DPYD: variants seen among roughly 807,000 people sequenced by gnomAD.
DPYD encodes the protein dihydropyrimidine dehydrogenase [NADP(+)].
A neutral mutation model predicts 116.2 loss-of-function variants in DPYD; 109 were observed. The ratio of observed to expected loss-of-function variants is 0.94; its 90% confidence interval spans 0.80 to 1.10. DPYD has a LOEUF of 1.10. DPYD is among the 50% of genes least tolerant of loss of function. The probability of loss-of-function intolerance (pLI) is 0.00; values close to 1 mark genes in which losing one functional copy is unlikely to be tolerated. For missense variants in DPYD, 1,302 were observed against 1,254.5 expected, an observed-to-expected ratio of 1.04 and a Z score of -0.57; for synonymous variants, 440 against 432.0, an observed-to-expected ratio of 1.02 and a Z score of -0.23.
At chr1:97,352,717 A>G (rs1670215877) in intron 16 of DPYD, among the ~76,000 whole-genome samples, 1 of 151,810 alleles carries the variant, frequency 6.6e-6, no homozygotes, top group Non-Finnish European at 1.5e-5. Flanking sequence ...TTTTATTGCC[A>G]TCAGCATTGG....
intron 14 of DPYD, among the ~76,000 whole-genome samples, chr1:97,383,475 C>CAA (rs796302274): frequency 4.4e-4 from 35 of 80,282 alleles, no homozygotes; most frequent in African/African-American, 1.4e-3. Context: ...GACTCTGTCT[C>CAA]AAAAAAAAAA....
At chr1:97,907,338 T>A (rs1472479067) in intron 1 of DPYD, among the ~76,000 whole-genome samples, 1 of 152,138 alleles carries the variant, frequency 6.6e-6, no homozygotes, top group Non-Finnish European at 1.5e-5. Context: ...TCCCTTCATA[T>A]AAGGACTGTG....
intron 20 of DPYD, among the ~76,000 whole-genome samples, chr1:97,126,220 T>C (rs1652820958): frequency 6.6e-6 from 1 of 152,128 alleles, no homozygotes; most frequent in Admixed American, 6.6e-5. Flanking sequence ...CCTCCACACA[T>C]GAGTATTTGA....
chr1:97,788,450 A>G (rs1435119521), intron 3 of DPYD, among the ~76,000 whole-genome samples: 1 of 152,196 alleles, frequency 6.6e-6, no homozygotes, highest in Non-Finnish European at 1.5e-5. Context: ...ACTACATGAG[A>G]GACCATCTTG....
At position 97,550,455 on chromosome 1, in the gene DPYD, T is replaced by C. The variant is rs534025014; in HGVS notation, c.1340-711A>G. Among the ~76,000 whole-genome samples the C allele has an allele frequency of 5.9e-5, 9 of 152,292 alleles. No homozygotes were observed. In the East Asian group the frequency reaches 1.5e-3, roughly 26 times the overall value. The stretch of plus-strand genomic sequence containing the variant: ...ATCTAAAAGAGTCATGGAAGAGGAA[T>C]GAAGCTGTGTTTCTTTAAGAAAAAT... On this transcript the variant is annotated intron_variant, in intron 11 of 22. Transcript: ENST00000370192.
At chr1:97,321,611 T>C (rs1570514651) in intron 16 of DPYD, among the ~76,000 whole-genome samples, 4 of 42,534 alleles carry the variant, frequency 9.4e-5, no homozygotes, top group Admixed American at 3.8e-4. Context: ...TGTGGAGAAA[T>C]AGGAACACTT....
At chr1:97,430,776 G>A (rs1299845648) in intron 14 of DPYD, among the ~76,000 whole-genome samples, 9 of 152,142 alleles carry the variant, frequency 5.9e-5, no homozygotes, top group Admixed American at 5.9e-4. Context: ...TGCATTAATA[G>A]AAGTATGATT....
At chr1:97,349,315 C>CTT (rs150046527) in intron 16 of DPYD, among the ~76,000 whole-genome samples, 1 of 137,506 alleles carries the variant, frequency 7.3e-6, no homozygotes. Context: ...AGCAATGATT[C>CTT]TTTTTTTTTT....
chr1:97,563,061 C>A (rs759593800), intron 11 of DPYD, among the ~76,000 whole-genome samples: 26 of 152,076 alleles, frequency 1.7e-4, no homozygotes, highest in South Asian at 2.1e-4. Flanking sequence ...GGGATGTTGT[C>A]CTATTTATAT....
chr1:97,641,420 CT>C (rs1657895177), intron 8 of DPYD, among the ~76,000 whole-genome samples: 1 of 152,136 alleles, frequency 6.6e-6, no homozygotes, highest in Non-Finnish European at 1.5e-5. Context: ...AAAGATTTTA[CT>C]TCTACTCCTG....
intron 19 of DPYD, among the ~76,000 whole-genome samples, chr1:97,221,267 TAGC>T (rs929312054): frequency 2.0e-5 from 3 of 152,186 alleles, no homozygotes; most frequent in African/African-American, 7.2e-5. Flanking sequence ...TTCATTTTGC[TAGC>T]ACATTTCTTG....
chr1:97,880,945 G>A (rs1672185312), intron 2 of DPYD, among the ~76,000 whole-genome samples: 1 of 151,934 alleles, frequency 6.6e-6, no homozygotes, highest in South Asian at 2.1e-4. Context: ...GGAATTCAGT[G>A]GGATTTCCCC....
At chr1:97,549,765 C>T in intron 11 of DPYD, 21 bp from the exon 12 acceptor site, 1 of 1,601,408 alleles carries the variant, frequency 6.2e-7, no homozygotes, top group Non-Finnish European at 8.6e-7. Context: ...AAGTGAAAAA[C>T]AATAGACAAT....
intron 19 of DPYD, among the ~76,000 whole-genome samples, chr1:97,193,471 G>T (rs1013688061): frequency 6.6e-5 from 10 of 152,118 alleles, no homozygotes; most frequent in African/African-American, 1.4e-4. Context: ...AACTTGCAAT[G>T]GTAATGGTGT....
intron 16 of DPYD, among the ~76,000 whole-genome samples, chr1:97,329,777 A>C (rs1368729891): frequency 2.1e-5 from 3 of 146,186 alleles, no homozygotes; most frequent in Non-Finnish European, 4.5e-5. Context: ...GGAAAGAAAT[A>C]ATTTTGAGAC....
intron 15 of DPYD, among the ~76,000 whole-genome samples, chr1:97,376,118 C>T (rs1485585804): frequency 2.0e-5 from 3 of 152,160 alleles, no homozygotes; most frequent in Non-Finnish European, 4.4e-5. Flanking sequence ...TTCTACTTTA[C>T]AATTGATAAA....
At chr1:97,313,308 T>C (rs1667622067) in intron 16 of DPYD, among the ~76,000 whole-genome samples, 3 of 152,038 alleles carry the variant, frequency 2.0e-5, no homozygotes, top group Admixed American at 1.3e-4. Context: ...CAGGATAACA[T>C]AATAGATAAC....
chr1:97,818,950 C>T (rs754936687), intron 3 of DPYD, among the ~76,000 whole-genome samples: 1 of 151,804 alleles, frequency 6.6e-6, no homozygotes, highest in Non-Finnish European at 1.5e-5. Flanking sequence ...ACATACATTA[C>T]AAAAATTACA....
chr1:97,863,520 T>C (rs1326496776), intron 2 of DPYD, among the ~76,000 whole-genome samples: 1 of 151,764 alleles, frequency 6.6e-6, no homozygotes, highest in Non-Finnish European at 1.5e-5. Flanking sequence ...GTAAATGTCC[T>C]TAGAAAAAGA....
Sources: allele counts gnomAD v4.1 joint callset (sites outside exome capture counted in the v4.1 genomes callset), GRCh38; gene constraint gnomAD v4.1.1; transcripts MANE v1.5; gene names NCBI Gene and HGNC (gene_info 2026-07-23, HGNC 2026-07-21).